Variants in ESCO2 observed in about 807,000 individuals in gnomAD.
ESCO2 encodes N-acetyltransferase ESCO2.
A neutral mutation model predicts 61.7 loss-of-function variants in ESCO2; 51 were observed. The observed-to-expected ratio is 0.83, with a 90% CI of 0.66 to 1.04. ESCO2 has a LOEUF of 1.04. Ranked by LOEUF, ESCO2 falls within the 50% of genes least tolerant of loss-of-function variation. The probability of loss-of-function intolerance (pLI) is 0.00; values close to 1 mark genes in which losing one functional copy is unlikely to be tolerated. For synonymous variants in ESCO2, 230 were observed against 238.2 expected (o/e 0.97, Z 0.32); for missense variants, 692 against 686.2 (o/e 1.01, Z -0.09).
At chr8:27,816,095 G>A (rs950474614), downstream of ESCO2, among the ~76,000 whole-genome samples, 1 of 151,758 alleles carries the variant, frequency 6.6e-6, no homozygotes, top group African/African-American at 2.4e-5. Context: ...ATCATTTAGC[G>A]AGGCCTTCCT....
chr8:27,772,598 C>T, upstream of ESCO2: 6 of 1,522,584 alleles, frequency 3.9e-6, no homozygotes, highest in South Asian at 1.2e-5. Context: ...ACTCACGAAG[C>T]TCAGGATACC....
downstream of ESCO2, chr8:27,810,513 T>G (rs757247055): frequency 6.5e-7 from 1 of 1,536,492 alleles, no homozygotes. Flanking sequence ...TTGAAGGAGT[T>G]AGAGATTGAA....
intron 4 of ESCO2, among the ~76,000 whole-genome samples, chr8:27,780,851 C>A (rs1804909960): frequency 6.6e-6 from 1 of 152,026 alleles, no homozygotes; most frequent in Non-Finnish European, 1.5e-5. Context: ...ACTATGAATA[C>A]ATAAAGCTTT....
At chr8:27,806,788 G>A (rs1259065791), downstream of ESCO2, among the ~76,000 whole-genome samples, 1 of 151,990 alleles carries the variant, frequency 6.6e-6, no homozygotes, top group Admixed American at 6.6e-5. Context: ...AGCTAATTTT[G>A]TATTTTTAGT....
At chr8:27,806,999 AC>A (rs1257217916), downstream of ESCO2, among the ~76,000 whole-genome samples, 4 of 147,010 alleles carry the variant, frequency 2.7e-5, no homozygotes, top group African/African-American at 1.0e-4. Flanking sequence ...TTCTGTTTTG[AC>A]TTTGTATTCA....
upstream of ESCO2, chr8:27,772,714 G>C (rs34876489): frequency 0.3 from 183,197 of 616,434 alleles, 30,260 homozygotes; most frequent in Middle Eastern, 0.37. Context: ...ATCCTGGCGA[G>C]GCGAAGTGTA....
At chr8:27,790,973 T>A (rs1805162728) in intron 7 of ESCO2, among the ~76,000 whole-genome samples, 1 of 152,204 alleles carries the variant, frequency 6.6e-6, no homozygotes, top group African/African-American at 2.4e-5. Flanking sequence ...GTAAAAAATG[T>A]CTTGACTTTT....
At chr8:27,811,986 A>C (rs1191179142), downstream of ESCO2, 1 of 152,208 alleles carries the variant, frequency 6.6e-6, no homozygotes, top group African/African-American at 2.4e-5. Context: ...GCTGTTTTAT[A>C]GATTCCTTGG....
intron 10 of ESCO2, among the ~76,000 whole-genome samples, chr8:27,800,053 C>G (rs1805391120): frequency 6.6e-6 from 1 of 151,996 alleles, no homozygotes. Flanking sequence ...TTGTTTTAGA[C>G]TTAACAGATG....
At chr8:27,779,720 G>C (rs113005682) in intron 3 of ESCO2, 1 of 175,434 alleles carries the variant, frequency 5.7e-6, no homozygotes, top group Non-Finnish European at 1.2e-5. Flanking sequence ...TGCCAGGCTG[G>C]AGTGCAGTGG....
intron 3 of ESCO2, chr8:27,779,841 A>G: frequency 8.8e-6 from 2 of 227,746 alleles, no homozygotes; most frequent in South Asian, 5.9e-5. Context: ...TAATTTTTGT[A>G]TTTTTAGTAG....
At chr8:27,772,585 T>G (rs905417781), upstream of ESCO2, 1 of 1,540,674 alleles carries the variant, frequency 6.5e-7, no homozygotes, top group African/African-American at 1.4e-5. Context: ...GCAGCAGCGC[T>G]CAACTCACGA....
At chr8:27,801,625 T>C (rs1805428001) in intron 10 of ESCO2, among the ~76,000 whole-genome samples, 1 of 152,176 alleles carries the variant, frequency 6.6e-6, no homozygotes, top group African/African-American at 2.4e-5. Flanking sequence ...ATTAGAAGCT[T>C]ATATCTTCTA....
At chr8:27,811,404 A>G (rs1805679590), downstream of ESCO2, 1 of 547,152 alleles carries the variant, frequency 1.8e-6, no homozygotes, top group African/African-American at 1.9e-5. Context: ...TGTTGAGATT[A>G]CAGACTCTGG....
At chr8:27,815,781 A>G (rs1203606067), downstream of ESCO2, among the ~76,000 whole-genome samples, 2 of 152,228 alleles carry the variant, frequency 1.3e-5, no homozygotes, top group African/African-American at 4.8e-5. Context: ...GTCTGTAAAC[A>G]TAATAGCATG....
intron 7 of ESCO2, among the ~76,000 whole-genome samples, chr8:27,789,650 G>A (rs576032099): frequency 1.1e-4 from 16 of 151,974 alleles, no homozygotes; most frequent in Non-Finnish European, 2.1e-4. Context: ...GCGTGGTGGC[G>A]GGTGCCTGTA....
chr8:27,799,822 TA>T, intron 10 of ESCO2, 106 bp downstream of exon 10: 2 of 1,296,072 alleles, frequency 1.5e-6, no homozygotes, highest in South Asian at 2.4e-5. Flanking sequence ...TACTTCAGTA[TA>T]AATACTATTA....
intron 4 of ESCO2, among the ~76,000 whole-genome samples, chr8:27,781,153 T>G (rs1439790361): frequency 1.3e-5 from 2 of 152,158 alleles, no homozygotes; most frequent in Non-Finnish European, 2.9e-5. Context: ...AGACCAAAAC[T>G]TTATTACTTA....
chr8:27,813,899 A>G (rs1470648700), downstream of ESCO2, among the ~76,000 whole-genome samples: 1 of 151,326 alleles, frequency 6.6e-6, no homozygotes, highest in Non-Finnish European at 1.5e-5. Flanking sequence ...AGGATATTGG[A>G]CTATGATTTT....
Sources: allele counts gnomAD v4.1 joint callset (sites outside exome capture counted in the v4.1 genomes callset), GRCh38; gene constraint gnomAD v4.1.1; transcripts MANE v1.5; gene names NCBI Gene and HGNC (gene_info 2026-07-23, HGNC 2026-07-21).